The following TBC1D31 variants were observed in gnomAD, a reference collection of about 807,000 sequenced individuals.
TBC1D31 encodes the protein TBC1 domain family member 31, also known as WD repeat domain 67.
TBC1D31 carries 99 observed loss-of-function variants against 132.9 expected under a neutral mutation model. The ratio of observed to expected loss-of-function variants is 0.74; its 90% confidence interval spans 0.63 to 0.88. The LOEUF (loss-of-function observed/expected upper bound fraction) is 0.88, where lower values mean the gene tolerates loss of function less well. Ranked by LOEUF, TBC1D31 falls within the 40% of genes least tolerant of loss-of-function variation. The pLI is 0.00. For synonymous variants in TBC1D31, 385 were observed against 419.4 expected (o/e 0.92, Z 1.00); for missense variants, 1,134 against 1,256.6 (o/e 0.90, Z 1.48).
At chr8:123,099,258 T>A (rs937934861) in intron 6 of TBC1D31, among the ~76,000 whole-genome samples, 2 of 152,126 alleles carry the variant, frequency 1.3e-5, no homozygotes, top group African/African-American at 4.8e-5. Flanking sequence ...TAGCTGGGAC[T>A]ATAGGCGCCT....
At chr8:123,126,372 A>G (rs918357091) in intron 12 of TBC1D31, 136 bp from the exon 13 acceptor site, 10 of 1,164,134 alleles carry the variant, frequency 8.6e-6, no homozygotes, top group African/African-American at 3.1e-5. Context: ...GAAGGGTCCA[A>G]ATTAAGGTAG....
intron 20 of TBC1D31, among the ~76,000 whole-genome samples, chr8:123,145,453 G>A (rs1822104753): frequency 6.6e-6 from 1 of 152,160 alleles, no homozygotes; most frequent in African/African-American, 2.4e-5. Flanking sequence ...CTGGTCCTCA[G>A]AACAACAGTA....
intron 10 of TBC1D31, among the ~76,000 whole-genome samples, chr8:123,110,662 C>T (rs771177093): frequency 1.6e-4 from 25 of 152,280 alleles, no homozygotes; most frequent in Non-Finnish European, 2.5e-4. Flanking sequence ...TCCCAACATA[C>T]ACACACTCCC....
At chr8:123,112,435 ATTTGTATTTACAAATATG>A (rs1417554213) in intron 10 of TBC1D31, among the ~76,000 whole-genome samples, 4 of 152,102 alleles carry the variant, frequency 2.6e-5, no homozygotes, top group Non-Finnish European at 4.4e-5. Context: ...CAAATATCTT[ATTTGTATTTACAAATATG>A]TTTGTATTTA....
intron 8 of TBC1D31, among the ~76,000 whole-genome samples, chr8:123,108,293 T>A (rs973855419): frequency 2.6e-5 from 4 of 152,192 alleles, no homozygotes; most frequent in Admixed American, 6.5e-5. Flanking sequence ...TTAGATCCAG[T>A]TGAGATAATA....
chr8:123,115,898 C>G (rs1421730696), intron 10 of TBC1D31, among the ~76,000 whole-genome samples: 3 of 152,156 alleles, frequency 2.0e-5, no homozygotes, highest in African/African-American at 7.2e-5. Context: ...TCTGCAAAAT[C>G]TCATGTAAAA....
chr8:123,160,424 G>GGGAGGAAGAAGGA, the TBC1D31 span, among the ~76,000 whole-genome samples: 1 of 151,348 alleles, frequency 6.6e-6, no homozygotes, highest in East Asian at 2.0e-4. Context: ...AGGAGAGGAG[G>GGGAGGAAGAAGGA]GGAGGGAGAG....
At chr8:123,107,102 C>T (rs1308785636) in intron 8 of TBC1D31, among the ~76,000 whole-genome samples, 4 of 152,148 alleles carry the variant, frequency 2.6e-5, no homozygotes, top group Non-Finnish European at 5.9e-5. Context: ...AGAAGGAAGG[C>T]GGGCATTAAG....
intron 4 of TBC1D31, among the ~76,000 whole-genome samples, chr8:123,089,389 C>G (rs906526418): frequency 6.6e-6 from 1 of 152,136 alleles, no homozygotes; most frequent in Non-Finnish European, 1.5e-5. Context: ...TACCATCAAG[C>G]CTATGATAGG....
intron 17 of TBC1D31, among the ~76,000 whole-genome samples, chr8:123,139,606 G>T (rs990255800): frequency 6.6e-6 from 1 of 152,118 alleles, no homozygotes; most frequent in Non-Finnish European, 1.5e-5. Flanking sequence ...CCGCTTCCTG[G>T]TTATGCAAAA....
chr8:123,155,818 A>G (rs545058232), downstream of TBC1D31, among the ~76,000 whole-genome samples: 4 of 152,280 alleles, frequency 2.6e-5, no homozygotes, highest in East Asian at 7.7e-4. The surrounding 1 kb of genome is among the most constrained non-coding windows in gnomAD (Gnocchi z 4.1). Context: ...CCCATATCTC[A>G]CAGGGATTAC....
Position 123,077,064 on chromosome 8 carries a change from A to G in TBC1D31, c.78-47A>G, listed in dbSNP as rs1325013314. The stretch of plus-strand genomic sequence containing the variant: ...ACTTGCCATATTTTTCATAATATCA[A>G]GTAATACGTGACATAGATTCAATGT... On this transcript the variant is annotated intron_variant, in intron 1 of 21. Transcript: ENST00000287380. 31 of 1,515,210 alleles carry G rather than the reference A, an allele frequency of 2.0e-5. No individual in the cohort carries two copies. The East Asian group carries it at 7.5e-4, about 37-fold the overall frequency. The allele number at this position is 1,515,210 out of a possible 1,614,324, so 93.9% of individuals were successfully genotyped here.
chr8:123,129,331 G>A (rs574138990), intron 15 of TBC1D31, 113 bp downstream of exon 15: 3 of 661,504 alleles, frequency 4.5e-6, no homozygotes, highest in East Asian at 3.3e-5. Context: ...TTACCCAGCT[G>A]TAGCATTTCT....
rs576269308 is a variant in TBC1D31, at chr8:123,091,957, TA to T, written c.520-1627del. Among the ~76,000 whole-genome samples, 177 of 152,290 alleles carry T rather than the reference TA, an allele frequency of 1.2e-3. 1 individual carries two copies. Among genetic ancestry groups the T allele is most frequent in the Admixed American group, 3.1e-3 (48 of 15,302 alleles). ...ATGCATTTGCACCTTTTTACTCATATAAAAAAATGGCTTAACACTTACTTAT... is the reference window on the plus strand; with the variant it reads ...ATGCATTTGCACCTTTTTACTCATATAAAAAATGGCTTAACACTTACTTAT... On this transcript the variant is annotated intron_variant, in intron 4 of 21. Coordinates refer to ENST00000287380, the MANE Select transcript of TBC1D31 (RefSeq NM_145647.4).
At chr8:123,151,338 T>C (rs1240449535) in intron 21 of TBC1D31, among the ~76,000 whole-genome samples, 1 of 152,240 alleles carries the variant, frequency 6.6e-6, no homozygotes, top group Non-Finnish European at 1.5e-5. Flanking sequence ...GGACATGTTG[T>C]AGTATTTTAA....
intron 4 of TBC1D31, among the ~76,000 whole-genome samples, chr8:123,092,087 T>C (rs1161926273): frequency 6.6e-6 from 1 of 152,178 alleles, no homozygotes; most frequent in Non-Finnish European, 1.5e-5. Context: ...CAATCTCAGC[T>C]CATTGCAACC....
At chr8:123,139,525 G>T (rs1382485343) in intron 17 of TBC1D31, among the ~76,000 whole-genome samples, 1 of 152,176 alleles carries the variant, frequency 6.6e-6, no homozygotes, top group Non-Finnish European at 1.5e-5. Flanking sequence ...TCTAGTAGTT[G>T]TTGAGGGGCT....
intron 6 of TBC1D31, among the ~76,000 whole-genome samples, chr8:123,099,671 C>A (rs1420849425): frequency 6.6e-6 from 1 of 152,116 alleles, no homozygotes; most frequent in African/African-American, 2.4e-5. Flanking sequence ...GGAAGGCAAA[C>A]CCTCCACCCT....
rs77795458 is a variant in TBC1D31 at position 123,114,774 on chromosome 8, T to C, written c.1436+5154T>C. On this transcript the variant is annotated intron_variant, in intron 10 of 21. Coordinates refer to ENST00000287380, the MANE Select transcript of TBC1D31 (RefSeq NM_145647.4). Reference sequence around the variant, plus strand: ...CCCCAATTTGACTTGCTAGAGGTAATTGTTTGGTTTACTTTTGTATAGATA... The same window carrying C: ...CCCCAATTTGACTTGCTAGAGGTAACTGTTTGGTTTACTTTTGTATAGATA... 3.8e-3 allele frequency among the ~76,000 whole-genome samples: 573 copies of C among 152,342 alleles called. 2 individuals are homozygous for C. The highest frequency in any genetic ancestry group is 0.013 in the African/African-American group (555 of 41,564).
Sources: gnomAD v4.1 joint callset for allele counts (sites outside exome capture counted in the v4.1 genomes callset) on GRCh38, gnomAD v4.1.1 for gene constraint, Gnocchi (gnomAD v3.1) non-coding constraint, MANE v1.5 for transcripts, NCBI Gene and HGNC (gene_info 2026-07-23, HGNC 2026-07-21) for gene names.